The following VPS8 variants were observed in gnomAD, a reference collection of about 807,000 sequenced individuals.
The protein encoded by VPS8 is VPS8 subunit of CORVET complex.
Under a neutral mutation model 216.4 loss-of-function variants are expected in VPS8, and 129 were observed. That is an observed-to-expected ratio of 0.60 (90% CI 0.52 to 0.69). The LOEUF (loss-of-function observed/expected upper bound fraction) is 0.69. VPS8 is among the 30% of genes least tolerant of loss of function. VPS8 has a pLI of 0.00. For synonymous variants in VPS8, 571 were observed against 565.4 expected (o/e 1.01, Z -0.14); for missense variants, 1,531 against 1,683.5 (o/e 0.91, Z 1.59).
chr3:184,954,293 T>C (rs1433537020), intron 36 of VPS8, among the ~76,000 whole-genome samples: 1 of 152,100 alleles, frequency 6.6e-6, no homozygotes, highest in Non-Finnish European at 1.5e-5. Context: ...TCCTTGGGGT[T>C]TTTATGGAGG....
intron 25 of VPS8, among the ~76,000 whole-genome samples, chr3:184,908,607 T>C (rs1407868386): frequency 2.0e-5 from 3 of 152,180 alleles, no homozygotes; most frequent in Non-Finnish European, 4.4e-5. Flanking sequence ...GGCCCCATTG[T>C]GTGGGGTGGC....
chr3:184,943,306 T>C (rs1314806089), intron 36 of VPS8, among the ~76,000 whole-genome samples: 1 of 152,224 alleles, frequency 6.6e-6, no homozygotes, highest in East Asian at 1.9e-4. Flanking sequence ...CACCTTTTCC[T>C]AATACAGTTG....
At chr3:184,828,384 G>GGCCTC (rs1560283214) in intron 3 of VPS8, among the ~76,000 whole-genome samples, 1 of 151,718 alleles carries the variant, frequency 6.6e-6, no homozygotes, top group African/African-American at 2.4e-5. Context: ...AGTGATCTGC[G>GGCCTC]GGCCTCGGCC....
intron 35 of VPS8, 22 bp from the exon 36 acceptor site, chr3:184,940,174 AT>A: frequency 1.4e-6 from 2 of 1,434,510 alleles, no homozygotes; most frequent in South Asian, 1.4e-5. Context: ...TTTAATTGTA[AT>A]TTTTATTGTT....
chr3:184,819,784 T>G (rs1025379941), intron 1 of VPS8, among the ~76,000 whole-genome samples: 2 of 152,102 alleles, frequency 1.3e-5, no homozygotes, highest in Non-Finnish European at 2.9e-5. Flanking sequence ...CCCCAAAAAC[T>G]TTACTACTAC....
chr3:184,885,899 A>G (rs1037917019), intron 21 of VPS8: 1 of 474,244 alleles, frequency 2.1e-6, no homozygotes, highest in South Asian at 4.4e-5. Flanking sequence ...ATTCTTAAAC[A>G]TATTTAGGGT....
intron 3 of VPS8, 113 bp from the exon 4 acceptor site, chr3:184,832,576 A>G: frequency 3.5e-6 from 3 of 866,338 alleles, no homozygotes; most frequent in Non-Finnish European, 5.2e-6. Context: ...CATGGAATAG[A>G]GGCGAAAAGC....
intron 25 of VPS8, among the ~76,000 whole-genome samples, chr3:184,902,111 G>GT (rs1460214348): frequency 7.1e-6 from 1 of 139,914 alleles, no homozygotes; most frequent in African/African-American, 2.8e-5. Context: ...TAAATATTTA[G>GT]CCCCCCCCCC....
At chr3:184,813,955 A>T (rs1199766524) in intron 1 of VPS8, 4 of 152,250 alleles carry the variant, frequency 2.6e-5, no homozygotes, top group Admixed American at 6.5e-5. Flanking sequence ...TCATCGGTAC[A>T]TAGTGGTAAG....
In VPS8 at chr3:184,967,328, A is replaced by G. The variant is rs577921699; in HGVS notation, c.3316+615A>G. Among the ~76,000 whole-genome samples, 6 of 152,342 alleles carry G rather than the reference A, an allele frequency of 3.9e-5. No individual in the cohort carries two copies. The East Asian group carries it at 1.2e-3, about 29-fold the overall frequency. On this transcript the variant is annotated intron_variant, in intron 39 of 47. Coordinates refer to ENST00000625842, the MANE Select transcript of VPS8 (RefSeq NM_001009921.3). ...TGGTTTAGTTATGTTTAAATGAGGT[A>G]TATAACTAACATCCTAAAAATTAAT...
At chr3:184,962,724 AGT>A (rs10562348) in intron 37 of VPS8, among the ~76,000 whole-genome samples, 2,315 of 145,878 alleles carry the variant, frequency 0.016, 45 homozygotes, top group African/African-American at 0.054. Flanking sequence ...TTAAGGCTTA[AGT>A]GTGTGTGTGT....
At chr3:185,008,185 G>A (rs1451890837) in intron 45 of VPS8, among the ~76,000 whole-genome samples, 2 of 152,098 alleles carry the variant, frequency 1.3e-5, no homozygotes, top group African/African-American at 2.4e-5. Context: ...GAAGTACATA[G>A]AGACGATTGA....
At chr3:184,826,045 G>T in intron 2 of VPS8, 118 bp from the exon 3 acceptor site, 2 of 686,496 alleles carry the variant, frequency 2.9e-6, no homozygotes, top group East Asian at 5.5e-5. Context: ...TTTTTGAGTT[G>T]ATCATTTTGG....
At position 184,844,746 on chromosome 3, in the gene VPS8, G is replaced by A. The variant is rs557999674; in HGVS notation, c.541+1501G>A. ...ATCTACTCTAAGCAAAGTGTACTTT[G>A]AAAGACATGCTAATAAAAGATACAG... On this transcript the variant is annotated intron_variant, in intron 8 of 47. Coordinates refer to ENST00000625842, the MANE Select transcript of VPS8 (RefSeq NM_001009921.3). Among the ~76,000 whole-genome samples the A allele has an allele frequency of 2.6e-4, 39 of 152,328 alleles. 1 individual carries two copies. Among genetic ancestry groups the A allele is most frequent in the African/African-American group, 9.1e-4 (38 of 41,578 alleles).
Position 184,849,208 on chromosome 3 carries a change from C to T in VPS8, c.666+13C>T, listed in dbSNP as rs1346402922. 3 of 1,609,576 alleles carry T rather than the reference C, an allele frequency of 1.9e-6. No individual in the cohort carries two copies. Among genetic ancestry groups the T allele is most frequent in the Non-Finnish European group, 2.5e-6 (3 of 1,177,942 alleles). ...TGCTAAAGGACAGGTAAGATATGAA[C>T]CTCCTTTAATTCATAAGACAATGTT... On this transcript the variant is annotated intron_variant, in intron 9 of 47. Transcript: ENST00000625842.
intron 40 of VPS8, among the ~76,000 whole-genome samples, chr3:184,975,282 T>A (rs1166384164): frequency 6.6e-6 from 1 of 152,138 alleles, no homozygotes; most frequent in Non-Finnish European, 1.5e-5. Context: ...AATGTATTCC[T>A]AGGTATTTTG....
chr3:184,923,178 T>G (rs1306511028), intron 29 of VPS8, among the ~76,000 whole-genome samples: 1 of 57,204 alleles, frequency 1.7e-5, no homozygotes, highest in African/African-American at 1.1e-4. Context: ...CTTGGAACTT[T>G]TTATAGATGT....
intron 36 of VPS8, among the ~76,000 whole-genome samples, chr3:184,955,967 C>A (rs199672457): frequency 9.3e-4 from 136 of 146,468 alleles, no homozygotes; most frequent in Non-Finnish European, 9.1e-4. Context: ...TTATAAGATA[C>A]AAAAAAAAAA....
At chr3:184,853,305 A>G (rs1228302687) in intron 11 of VPS8, among the ~76,000 whole-genome samples, 1 of 152,166 alleles carries the variant, frequency 6.6e-6, no homozygotes, top group Non-Finnish European at 1.5e-5. Flanking sequence ...ATCACCTCAG[A>G]TGGATGTAAG....
Sources: gnomAD v4.1 joint callset for allele counts (sites outside exome capture counted in the v4.1 genomes callset) on GRCh38, gnomAD v4.1.1 for gene constraint, MANE v1.5 for transcripts, NCBI Gene and HGNC (gene_info 2026-07-23, HGNC 2026-07-21) for gene names.